CPEB3: variants seen among roughly 807,000 people sequenced by gnomAD.
CPEB3 encodes cytoplasmic polyadenylation element-binding protein 3.
CPEB3 carries 20 observed loss-of-function variants against 67.2 expected under a neutral mutation model. The observed-to-expected ratio is 0.30, with a 90% CI of 0.21 to 0.43. The LOEUF is 0.43. Ranked by LOEUF, CPEB3 falls within the 20% of genes least tolerant of loss-of-function variation. The pLI, the probability that CPEB3 is intolerant of heterozygous loss-of-function variation, is 1.00. For missense variants in CPEB3, 746 were observed against 968.6 expected, an observed-to-expected ratio of 0.77 and a Z score of 3.05; for synonymous variants, 376 against 393.1, an observed-to-expected ratio of 0.96 and a Z score of 0.51.
chr10:92,142,372 A>G (rs912446759), intron 6 of CPEB3, among the ~76,000 whole-genome samples: 1 of 152,228 alleles, frequency 6.6e-6, no homozygotes, highest in African/African-American at 2.4e-5. Context: ...ACATTCTTCT[A>G]TATAAATCTA....
At chr10:92,249,953 C>T (rs1467708515) in intron 1 of CPEB3, among the ~76,000 whole-genome samples, 2 of 144,346 alleles carry the variant, frequency 1.4e-5, no homozygotes, top group South Asian at 2.3e-4. Context: ...ACTTGGGAGT[C>T]GGAGGTTGCA....
intron 6 of CPEB3, among the ~76,000 whole-genome samples, chr10:92,116,975 T>G (rs1291600302): frequency 6.6e-6 from 1 of 152,204 alleles, no homozygotes; most frequent in East Asian, 1.9e-4. Flanking sequence ...ATTAGGATAA[T>G]TCCATTTCAT....
At chr10:92,059,234 A>G (rs950942421) in intron 9 of CPEB3, among the ~76,000 whole-genome samples, 4 of 150,826 alleles carry the variant, frequency 2.7e-5, no homozygotes, top group African/African-American at 9.7e-5. Context: ...CTAAGGCAGG[A>G]GAATCGCTTG....
chr10:92,189,769 C>T (rs1395564390), intron 3 of CPEB3, among the ~76,000 whole-genome samples: 2 of 130,654 alleles, frequency 1.5e-5, no homozygotes, highest in East Asian at 2.2e-4. Flanking sequence ...AGTACAGTGG[C>T]GCAATCTCGG....
intron 1 of CPEB3, among the ~76,000 whole-genome samples, chr10:92,263,715 G>A (rs1005448542): frequency 2.6e-5 from 4 of 152,130 alleles, no homozygotes; most frequent in Admixed American, 2.0e-4. Flanking sequence ...TTGTAGAGAT[G>A]GGGTCTTGTT....
chr10:92,239,836 G>T lies in CPEB3; in HGVS notation c.515C>A (p.Ala172Glu), dbSNP rs762748739. Residue 172 changes from alanine to glutamate, a missense_variant, in exon 2 of 10, where the codon GCG (alanine) becomes GAG (glutamate). Around this residue, in one of 2 missense-constraint regions of CPEB3, gnomAD observed 643 missense variants for 717.5 expected, o/e 0.90. Coordinates refer to ENST00000265997, the MANE Select transcript of CPEB3 (RefSeq NM_014912.5). This position sits in a 1 kb window ranked among gnomAD's most constrained non-coding sequence, Gnocchi z 6.0. ...CTGCGCTGGCTGTGCCGGCTGCGGC[G>T]CGGGCGCAGGCGGCGGCGGCTGCTG... ...HHQQPPPPAP[A>E]PQPAQPAQPP... 3 of 1,492,538 alleles carry T rather than the reference G, an allele frequency of 2.0e-6. No individual in the cohort carries two copies. Among genetic ancestry groups the T allele is most frequent in the Non-Finnish European group, 2.7e-6 (3 of 1,122,022 alleles). 92.5% of individuals were successfully genotyped at this position (1,492,538 alleles called of 1,614,324 possible).
At chr10:92,165,269 G>T (rs1402731987) in intron 4 of CPEB3, among the ~76,000 whole-genome samples, 1 of 152,186 alleles carries the variant, frequency 6.6e-6, no homozygotes, top group East Asian at 1.9e-4. Context: ...CCATGATCAT[G>T]CCACTGCACT....
At chr10:92,156,373 G>C (rs1383645562) in intron 4 of CPEB3, among the ~76,000 whole-genome samples, 1 of 152,204 alleles carries the variant, frequency 6.6e-6, no homozygotes, top group Non-Finnish European at 1.5e-5. Flanking sequence ...CCAGATCATG[G>C]GGACCCTGAA....
intron 6 of CPEB3, among the ~76,000 whole-genome samples, chr10:92,114,628 T>C (rs1292856546): frequency 1.3e-5 from 2 of 152,234 alleles, no homozygotes. Flanking sequence ...CATTTCATCT[T>C]CACACACACC....
At chr10:92,254,477 C>T (rs542965787) in intron 1 of CPEB3, among the ~76,000 whole-genome samples, 80 of 152,212 alleles carry the variant, frequency 5.3e-4, no homozygotes, top group African/African-American at 1.6e-3. Context: ...GCCAGGTGAG[C>T]TAGATGTAGC....
chr10:92,132,393 T>A lies in CPEB3; in HGVS notation c.1453+10636A>T, dbSNP rs538486788. 2.6e-5 allele frequency among the ~76,000 whole-genome samples: 4 copies of A among 152,238 alleles called. No individual in the cohort carries two copies. In the South Asian group the frequency reaches 8.3e-4, roughly 32 times the overall value. ...ATTCCAGACCAAAACAAGATGTCAA[T>A]GTCAAAAGTAAAGTAATACAAGCAA... On this transcript the variant is annotated intron_variant, in intron 6 of 9. Transcript: ENST00000265997.
rs1163026174 is a variant in CPEB3 at position 92,058,518 on chromosome 10, T to C, written c.1870-6079A>G. ...GAGCTGAGATCGTGCCACTGCACTC[T>C]GGCCTGGGCGACAGAACAAGACTCC... On this transcript the variant is annotated intron_variant, in intron 9 of 9. Transcript: ENST00000265997. Among the ~76,000 whole-genome samples, 4 of 151,904 alleles carry C rather than the reference T, an allele frequency of 2.6e-5. No homozygotes were observed. The East Asian group carries it at 7.7e-4, about 29-fold the overall frequency.
At chr10:92,118,732 T>A in intron 6 of CPEB3, 1 of 745,534 alleles carries the variant, frequency 1.3e-6, no homozygotes. Flanking sequence ...GTATCAGAAA[T>A]GCTGTTCCTT....
At position 92,167,612 on chromosome 10, in the gene CPEB3, A is replaced by G. The variant is rs146046820; in HGVS notation, c.1222+13351T>C. ...GTTCATGGCATCCCAAAACTATTAC[A>G]ATAGTTACATCAAGGTGGGCACAGT... On this transcript the variant is annotated intron_variant, in intron 4 of 9. Transcript: ENST00000265997. Among the ~76,000 whole-genome samples the G allele has an allele frequency of 1.3e-3, 195 of 152,228 alleles. 3 individuals carry two copies. In the East Asian group the frequency reaches 0.028, roughly 22 times the overall value.
chr10:92,122,886 T>TA (rs1188860738), intron 6 of CPEB3, among the ~76,000 whole-genome samples: 1 of 152,236 alleles, frequency 6.6e-6, no homozygotes, highest in Middle Eastern at 3.2e-3. Flanking sequence ...GCTCTGCAGA[T>TA]AGATACTGCC....
At chr10:92,264,870 A>C (rs906840617) in intron 1 of CPEB3, among the ~76,000 whole-genome samples, 1 of 152,094 alleles carries the variant, frequency 6.6e-6, no homozygotes, top group Non-Finnish European at 1.5e-5. Flanking sequence ...ACTCTTGTCT[A>C]TAAAAAAAAT....
intron 1 of CPEB3, among the ~76,000 whole-genome samples, chr10:92,269,315 T>A (rs1199308324): frequency 6.6e-6 from 1 of 152,162 alleles, no homozygotes; most frequent in Non-Finnish European, 1.5e-5. Flanking sequence ...AGTATTTTTA[T>A]TAAAATACTA....
At chr10:92,278,598 GTTC>G (rs1313157378) in intron 1 of CPEB3, among the ~76,000 whole-genome samples, 2 of 141,250 alleles carry the variant, frequency 1.4e-5, no homozygotes, top group Admixed American at 1.4e-4. Flanking sequence ...TCATTGACTG[GTTC>G]TTTTTTTTTT....
intron 8 of CPEB3, among the ~76,000 whole-genome samples, chr10:92,082,912 G>A (rs1165075550): frequency 6.6e-6 from 1 of 152,130 alleles, no homozygotes. Context: ...TCAGTATCTG[G>A]GGAGATGGAG....
Sources: gnomAD v4.1 joint callset for allele counts (sites outside exome capture counted in the v4.1 genomes callset) on GRCh38, gnomAD v4.1.1 for gene constraint, gnomAD v4.1.1 regional missense constraint, Gnocchi (gnomAD v3.1) non-coding constraint, MANE v1.5 for transcripts, NCBI Gene and HGNC (gene_info 2026-07-23, HGNC 2026-07-21) for gene names.